KIF26B: variants seen among roughly 807,000 people sequenced by gnomAD.
KIF26B encodes the protein kinesin-like protein KIF26B.
In KIF26B, 63 loss-of-function variants were observed where a neutral mutation model predicts 151.2. The observed-to-expected ratio is 0.42, with a 90% CI of 0.34 to 0.51. KIF26B has a LOEUF of 0.51. Among genes scored for constraint, KIF26B ranks in the 20% least tolerant of loss-of-function variants. The pLI, the probability that KIF26B is intolerant of heterozygous loss-of-function variation, is 0.07. For synonymous variants in KIF26B, 1,357 were observed against 1,262.1 expected (o/e 1.08, Z -1.59); for missense variants, 2,813 against 2,913.6 (o/e 0.97, Z 0.79).
intron 2 of KIF26B, among the ~76,000 whole-genome samples, chr1:245,257,813 G>A (rs888857698): frequency 2.9e-4 from 44 of 152,208 alleles, no homozygotes; most frequent in South Asian, 2.1e-4. Flanking sequence ...CTTGAGGCCA[G>A]GAGATCAAGA....
chr1:245,205,714 CTT>C (rs67318995), intron 2 of KIF26B, among the ~76,000 whole-genome samples: 84,583 of 140,114 alleles, frequency 0.6, 26,259 homozygotes, highest in Non-Finnish European at 0.69. Flanking sequence ...CTTTTCTTTT[CTT>C]TTTTTTTTTT....
At position 245,244,509 on chromosome 1, in the gene KIF26B, G is replaced by A. The variant is rs538292043; in HGVS notation, c.465+87826G>A. ...GCAGTTGGGAAAGACTTTTGCTGTA[G>A]ACCAATTTTATTGTACTTAGTCGAG... On this transcript the variant is annotated intron_variant, in intron 2 of 14. Transcript: ENST00000407071. This position sits in a 1 kb window ranked among gnomAD's most constrained non-coding sequence, Gnocchi z 4.2. Among the ~76,000 whole-genome samples the A allele has an allele frequency of 6.6e-6, 1 of 152,078 alleles. No homozygotes were observed. Among genetic ancestry groups the A allele is most frequent in the Non-Finnish European group, 1.5e-5 (1 of 68,016 alleles).
chr1:245,464,965 C>T (rs1482830424), intron 4 of KIF26B, among the ~76,000 whole-genome samples: 5 of 148,836 alleles, frequency 3.4e-5, no homozygotes, highest in African/African-American at 1.2e-4. Flanking sequence ...CGCAGATTAC[C>T]TGTGTTACCT....
At chr1:245,259,922 G>A (rs1238649251) in intron 2 of KIF26B, among the ~76,000 whole-genome samples, 2 of 129,650 alleles carry the variant, frequency 1.5e-5, no homozygotes, top group Admixed American at 8.4e-5. Context: ...GTGACAGAGC[G>A]AGGTCCTGTC....
In KIF26B at chr1:245,540,551, T is replaced by C. The variant is rs557401912; in HGVS notation, c.1167-216T>C. 26 of 703,108 alleles carry C rather than the reference T, an allele frequency of 3.7e-5. No homozygotes were observed. The East Asian group carries it at 5.7e-4, about 15-fold the overall frequency. 43.6% of individuals were successfully genotyped at this position (703,108 alleles called of 1,614,324 possible). A position where few individuals can be genotyped will look rare whatever the true frequency, so the allele number is the denominator to read the frequency against. ...GTGATTGCAGAATCCTGCTATTTTA[T>C]GGCTTTGTTTTTCCTTTTGTCGTAT... On this transcript the variant is annotated intron_variant, in intron 4 of 14. Coordinates refer to ENST00000407071, the MANE Select transcript of KIF26B (RefSeq NM_018012.4). This position sits in a 1 kb window ranked among gnomAD's most constrained non-coding sequence, Gnocchi z 4.6.
At chr1:245,678,411 G>A (rs531179333) in intron 10 of KIF26B, among the ~76,000 whole-genome samples, 5 of 152,124 alleles carry the variant, frequency 3.3e-5, no homozygotes, top group Non-Finnish European at 5.9e-5. Flanking sequence ...TACTGGAATC[G>A]ATGTAGTTCC....
At chr1:245,264,588 C>CA (rs1670705987) in intron 2 of KIF26B, among the ~76,000 whole-genome samples, 2 of 150,714 alleles carry the variant, frequency 1.3e-5, no homozygotes, top group African/African-American at 4.9e-5. Flanking sequence ...AAAAAAAAAA[C>CA]AAAACAAAAA....
intron 2 of KIF26B, among the ~76,000 whole-genome samples, chr1:245,268,935 G>A (rs576262715): frequency 6.6e-6 from 1 of 152,180 alleles, no homozygotes; most frequent in South Asian, 2.1e-4. Flanking sequence ...GTACAGGTGA[G>A]CCACAGCTGT....
chr1:245,376,012 G>C (rs1303446336), intron 3 of KIF26B, among the ~76,000 whole-genome samples: 1 of 152,222 alleles, frequency 6.6e-6, no homozygotes, highest in Middle Eastern at 3.4e-3. Context: ...ACTCTCCATT[G>C]GTAGCTAGTC....
intron 4 of KIF26B, among the ~76,000 whole-genome samples, chr1:245,421,648 A>G (rs759764014): frequency 1.3e-5 from 2 of 152,174 alleles, no homozygotes; most frequent in Non-Finnish European, 2.9e-5. Flanking sequence ...CAGCCAGAGA[A>G]TTTTACAGAA....
intron 4 of KIF26B, among the ~76,000 whole-genome samples, chr1:245,464,371 G>GTA (rs1294809727): frequency 6.6e-6 from 1 of 151,926 alleles, no homozygotes; most frequent in Non-Finnish European, 1.5e-5. Flanking sequence ...GTGCGTGTGT[G>GTA]GGTGTGTGTA....
intron 4 of KIF26B, among the ~76,000 whole-genome samples, chr1:245,436,072 G>A (rs1162347468): frequency 6.6e-6 from 1 of 151,882 alleles, no homozygotes; most frequent in East Asian, 1.9e-4. Flanking sequence ...AGCGACTTGG[G>A]AGGCTGAGAC....
chr1:245,451,888 C>G (rs1659404644), intron 4 of KIF26B, among the ~76,000 whole-genome samples: 1 of 152,100 alleles, frequency 6.6e-6, no homozygotes, highest in Non-Finnish European at 1.5e-5. Flanking sequence ...GTATGAGCCA[C>G]CATGCCTGGC....
At chr1:245,253,023 T>G (rs552617939) in intron 2 of KIF26B, among the ~76,000 whole-genome samples, 1 of 151,018 alleles carries the variant, frequency 6.6e-6, no homozygotes, top group East Asian at 1.9e-4. Flanking sequence ...TTTTTTTTTT[T>G]TTTTGAGACG....
chr1:245,416,930 G>A (rs947899912), intron 3 of KIF26B, among the ~76,000 whole-genome samples: 2 of 152,162 alleles, frequency 1.3e-5, no homozygotes, highest in Non-Finnish European at 2.9e-5. Flanking sequence ...GCAGGCATTT[G>A]GAGGGATGCC....
chr1:245,439,409 T>C (rs59547076), intron 4 of KIF26B, among the ~76,000 whole-genome samples: 3,362 of 147,662 alleles, frequency 0.023, 118 homozygotes, highest in African/African-American at 0.079. Context: ...TTAGAGAAAA[T>C]GTTTTGAGAT....
chr1:245,260,484 A>G (rs907962869), intron 2 of KIF26B, among the ~76,000 whole-genome samples: 4 of 152,186 alleles, frequency 2.6e-5, no homozygotes, highest in African/African-American at 9.7e-5. Flanking sequence ...CCCTCTAGGG[A>G]ACTGGAAGGA....
chr1:245,648,221 T>G (rs2043974583), intron 10 of KIF26B, among the ~76,000 whole-genome samples: 1 of 152,254 alleles, frequency 6.6e-6, no homozygotes, highest in Admixed American at 6.5e-5. Context: ...GACATGCTTT[T>G]ATGATTTCTA....
chr1:245,554,120 C>T (rs896863530), intron 5 of KIF26B, among the ~76,000 whole-genome samples: 4 of 152,144 alleles, frequency 2.6e-5, no homozygotes, highest in African/African-American at 7.2e-5. Flanking sequence ...CCCTTTTCTC[C>T]GTGTTTTGTA....
Sources: allele counts gnomAD v4.1 joint callset (sites outside exome capture counted in the v4.1 genomes callset), GRCh38; gene constraint gnomAD v4.1.1; non-coding constraint Gnocchi (gnomAD v3.1); transcripts MANE v1.5; gene names NCBI Gene and HGNC (gene_info 2026-07-23, HGNC 2026-07-21).